Variants in PTPRC observed in about 807,000 individuals in gnomAD.
The protein encoded by PTPRC is receptor-type tyrosine-protein phosphatase C.
In PTPRC, 44 loss-of-function variants were observed where a neutral mutation model predicts 155.9. That is an observed-to-expected ratio of 0.28 (90% CI 0.22 to 0.36). The LOEUF (loss-of-function observed/expected upper bound fraction) is 0.36. PTPRC is among the 10% of genes least tolerant of loss of function. The pLI, the probability that PTPRC is intolerant of heterozygous loss-of-function variation, is 1.00. For synonymous variants in PTPRC, 525 were observed against 533.1 expected (o/e 0.98, Z 0.21); for missense variants, 1,401 against 1,564.6 (o/e 0.90, Z 1.76).
chr1:198,741,781 C>A (rs1399764059), intron 23 of PTPRC, 88 bp from the exon 24 acceptor site: 3 of 1,333,386 alleles, frequency 2.2e-6, no homozygotes, highest in Non-Finnish European at 3.2e-6. Flanking sequence ...CACGAGGAGA[C>A]TTTGTACTGG....
intron 2 of PTPRC, among the ~76,000 whole-genome samples, chr1:198,658,063 C>G (rs984495496): frequency 2.6e-5 from 4 of 152,178 alleles, no homozygotes; most frequent in Non-Finnish European, 5.9e-5. Context: ...TACATGCCCA[C>G]AGGGACATCT....
chr1:198,727,454 A>C (rs12089542), intron 15 of PTPRC, among the ~76,000 whole-genome samples: 2,363 of 152,264 alleles, frequency 0.016, 55 homozygotes, highest in African/African-American at 0.054. Context: ...AAAAGCCAAA[A>C]ATATTTTTTT....
At position 198,652,918 on chromosome 1, in the gene PTPRC, T is replaced by C. The variant is rs942439774; in HGVS notation, c.73+13577T>C. ...ACTATTGGGAATGGCTACTGAAAGA[T>C]CAAAGGCAAGTGGAACCTCAAAATT... is the stretch of plus-strand genomic sequence containing the variant. On this transcript the variant is annotated intron_variant, in intron 2 of 32. Transcript: ENST00000442510. Among the ~76,000 whole-genome samples the C allele has an allele frequency of 2.6e-5, 4 of 151,830 alleles. No homozygotes were observed. In the East Asian group the frequency reaches 7.8e-4, roughly 29 times the overall value.
intron 2 of PTPRC, among the ~76,000 whole-genome samples, chr1:198,678,382 G>T (rs2102318630): frequency 6.6e-6 from 1 of 152,254 alleles, no homozygotes; most frequent in East Asian, 1.9e-4. Context: ...GCAAACAGCA[G>T]AATTAACCCA....
At position 198,750,497 on chromosome 1, in the gene PTPRC, C is replaced by T; in HGVS notation, c.3078C>T (p.Tyr1026=). Residue 1026 remains tyrosine, a synonymous_variant, in exon 29 of 33, where the codon TAC becomes TAT. Coordinates refer to ENST00000442510, the MANE Select transcript of PTPRC (RefSeq NM_002838.5). ...KYINASFIMS[Y]WKPEVMIAAQ... ...CCCTTTTTTTGTCTAAAAAGAGCTA[C>T]TGGAAACCTGAAGTGATGATTGCTG... The T allele has an allele frequency of 6.2e-7, 1 of 1,612,342 alleles. No homozygotes were observed. Among genetic ancestry groups the T allele is most frequent in the Non-Finnish European group, 8.5e-7 (1 of 1,178,822 alleles).
chr1:198,719,271 G>A (rs1653760173), intron 14 of PTPRC, among the ~76,000 whole-genome samples: 1 of 151,910 alleles, frequency 6.6e-6, no homozygotes, highest in African/African-American at 2.4e-5. Flanking sequence ...TTGAAATATG[G>A]TATTGATATC....
chr1:198,687,611 G>C (rs1013048099), intron 2 of PTPRC, among the ~76,000 whole-genome samples: 1 of 151,832 alleles, frequency 6.6e-6, no homozygotes, highest in East Asian at 1.9e-4. Context: ...GACTGGGGGG[G>C]CGGGGTGTGG....
At chr1:198,657,918 C>A (rs1663690600) in intron 2 of PTPRC, 2 of 152,090 alleles carry the variant, frequency 1.3e-5, no homozygotes, top group Non-Finnish European at 2.9e-5. Context: ...CTTCCACAGA[C>A]AAAAATAGTA....
At chr1:198,673,432 T>G (rs538660692) in intron 2 of PTPRC, among the ~76,000 whole-genome samples, 7 of 152,310 alleles carry the variant, frequency 4.6e-5, no homozygotes, top group Admixed American at 6.5e-5. Flanking sequence ...TACTTCATAT[T>G]ATTACAATGA....
intron 2 of PTPRC, chr1:198,657,931 A>G (rs1158115306): frequency 6.6e-6 from 1 of 152,178 alleles, no homozygotes; most frequent in Non-Finnish European, 1.5e-5. Flanking sequence ...AAATAGTATA[A>G]TTATGATTCA....
At chr1:198,680,787 A>AGAATT (rs1665276015) in intron 2 of PTPRC, among the ~76,000 whole-genome samples, 1 of 152,178 alleles carries the variant, frequency 6.6e-6, no homozygotes, top group Non-Finnish European at 1.5e-5. Flanking sequence ...GAATTCAAGG[A>AGAATT]CTGTGTACCG....
chr1:198,709,735 C>T lies in PTPRC; in HGVS notation c.1082C>T (p.Pro361Leu). 1 of 1,605,668 alleles carries T rather than the reference C, an allele frequency of 6.2e-7. No individual in the cohort carries two copies. Among genetic ancestry groups the T allele is most frequent in the Non-Finnish European group, 8.5e-7 (1 of 1,176,332 alleles). ...NKEIKLENLE[P>L]EHEYKCDSEI... ...GAAATTAAATTAGAAAACCTTGAAC[C>T]CGAACATGAGTATAAGTGTGACTCA... Residue 361 changes from proline to leucine, a missense_variant, in exon 11 of 33, where the codon CCC (proline) becomes CTC (leucine). Pro to Leu is a moderately conservative substitution (Grantham distance 98, BLOSUM62 -3). Transcript: ENST00000442510.
At chr1:198,710,210 T>A (rs1653222242) in intron 11 of PTPRC, among the ~76,000 whole-genome samples, 1 of 152,222 alleles carries the variant, frequency 6.6e-6, no homozygotes, top group Admixed American at 6.5e-5. Flanking sequence ...TACTATTTAT[T>A]CCCCCACTGA....
rs1399514174 is a variant in PTPRC, at chr1:198,718,228, G to C, written c.1585G>C (p.Val529Leu). 1 of 1,613,960 alleles carries C rather than the reference G, an allele frequency of 6.2e-7. No homozygotes were observed. The highest frequency in any genetic ancestry group is 8.5e-7 in the Non-Finnish European group (1 of 1,180,006). The change falls in exon 14 of 33, where the codon GTT becomes CTT. Residue 529 changes from valine to leucine, a missense_variant. By Grantham distance (32) the Val-to-Leu change is conservative. Coordinates refer to ENST00000442510, the MANE Select transcript of PTPRC (RefSeq NM_002838.5). ...HLEVEAGNTL[V>L]RNESHKNCDF... is the part of the protein sequence containing the mutation. ...GGAAGTTGAAGCTGGAAATACTCTG[G>C]TTAGAAATGAGTCGCATAAGAATTG...
chr1:198,729,024 A>G (rs959695778), intron 16 of PTPRC, 113 bp from the exon 17 acceptor site: 1 of 1,195,240 alleles, frequency 8.4e-7, no homozygotes, highest in African/African-American at 1.6e-5. Context: ...CCCTTTTCTT[A>G]TCCCTGACTT....
chr1:198,641,873 T>TA (rs1166874905), intron 2 of PTPRC, among the ~76,000 whole-genome samples: 1 of 152,044 alleles, frequency 6.6e-6, no homozygotes, highest in Non-Finnish European at 1.5e-5. Flanking sequence ...CCATCTGTAT[T>TA]AAAAATATAT....
At chr1:198,743,924 A>G in intron 25 of PTPRC, 130 bp from the exon 26 acceptor site, 2 of 837,628 alleles carry the variant, frequency 2.4e-6, no homozygotes, top group South Asian at 1.5e-5. Context: ...AATATTATAG[A>G]TATCAATTTA....
intron 2 of PTPRC, among the ~76,000 whole-genome samples, chr1:198,684,220 A>T (rs1387708997): frequency 6.6e-6 from 1 of 151,084 alleles, no homozygotes; most frequent in Non-Finnish European, 1.5e-5. Flanking sequence ...TTTGTCATTA[A>T]TTGTTTCGTT....
chr1:198,666,251 A>T (rs886541678), intron 2 of PTPRC, among the ~76,000 whole-genome samples: 7 of 151,850 alleles, frequency 4.6e-5, no homozygotes, highest in Non-Finnish European at 8.8e-5. Context: ...AAAAAAAAAA[A>T]AAAAAAAAAG....
Sources: gnomAD v4.1 joint callset for allele counts (sites outside exome capture counted in the v4.1 genomes callset) on GRCh38, gnomAD v4.1.1 for gene constraint, MANE v1.5 for transcripts, NCBI Gene and HGNC (gene_info 2026-07-23, HGNC 2026-07-21) for gene names.